RGS13: variants seen among roughly 807,000 people sequenced by gnomAD.
RGS13 encodes the protein regulator of G protein signaling 13, also known as regulator of G-protein signalling 13.
RGS13 carries 14 observed loss-of-function variants against 19.9 expected under a neutral mutation model. The ratio of observed to expected loss-of-function variants is 0.70; its 90% CI spans 0.46 to 1.10. The LOEUF (loss-of-function observed/expected upper bound fraction) is 1.10, where lower values mean the gene tolerates loss of function less well. Ranked by LOEUF, RGS13 falls within the 50% of genes least tolerant of loss-of-function variation. The pLI, the probability that RGS13 is intolerant of heterozygous loss-of-function variation, is 0.00. For missense variants in RGS13, 205 were observed against 187.1 expected (o/e 1.10, Z -0.56); for synonymous variants, 60 against 56.8 (o/e 1.06, Z -0.25).
chr1:192,638,962 T>C (rs1663059226), intron 3 of RGS13, among the ~76,000 whole-genome samples: 1 of 152,128 alleles, frequency 6.6e-6, no homozygotes, highest in Admixed American at 6.6e-5. Context: ...ACTTAAAGTC[T>C]AGTAGGAGTA....
intron 5 of RGS13, among the ~76,000 whole-genome samples, chr1:192,649,283 T>G (rs6700053): frequency 0.081 from 12,311 of 152,210 alleles, 1,006 homozygotes; most frequent in African/African-American, 0.2. Flanking sequence ...CATTGAAATG[T>G]GATGAAGAGA....
chr1:192,641,262 GAAAGAA>G (rs1663111363), intron 3 of RGS13, among the ~76,000 whole-genome samples: 1 of 87,210 alleles, frequency 1.1e-5, no homozygotes, highest in Admixed American at 1.4e-4. Flanking sequence ...AGAAAAGAAA[GAAAGAA>G]AGAAAGAAAG....
chr1:192,659,633 A>G lies in RGS13; in HGVS notation c.*110A>G. The G allele has an allele frequency of 1.3e-6, 1 of 761,464 alleles. No individual in the cohort carries two copies. The allele number at this position is 761,464 out of a possible 1,614,324, so 47.2% of individuals were successfully genotyped here. A position where few individuals can be genotyped will look rare whatever the true frequency, so the allele number is the denominator to read the frequency against. ...ACACAGTACAAATAAAACAGAAATCAAACTATAAGTTGACTTTTAGTTCCT... is the reference window on the plus strand; with the variant it reads ...ACACAGTACAAATAAAACAGAAATCGAACTATAAGTTGACTTTTAGTTCCT... On this transcript the variant is annotated 3_prime_UTR_variant, in exon 7 of 7. Coordinates refer to ENST00000391995, the MANE Select transcript of RGS13 (RefSeq NM_002927.5).
Position 192,641,294 on chromosome 1 carries a change from GAAAGAAAGAAAGA to G in RGS13, c.-4-3024_-4-3012del, listed in dbSNP as rs1558049310. Among the ~76,000 whole-genome samples, 16 of 110,598 alleles carry G rather than the reference GAAAGAAAGAAAGA, an allele frequency of 1.4e-4. No homozygotes were observed. The East Asian group carries it at 3.0e-3, about 21-fold the overall frequency. The allele number at this position is 110,598 out of a possible 152,430, so 72.6% of individuals were successfully genotyped here. A position where few individuals can be genotyped will look rare whatever the true frequency, so the allele number is the denominator to read the frequency against. On this transcript the variant is annotated intron_variant, in intron 3 of 6. Transcript: ENST00000391995. The stretch of plus-strand genomic sequence containing the variant: ...AGAAAGAAAGAAAGAAAGAAAGAAA[GAAAGAAAGAAAGA>G]AAAGAAAGAAAGGAGGGAGGGAGGA...
At chr1:192,637,133 G>T (rs921015793) in intron 1 of RGS13, among the ~76,000 whole-genome samples, 1 of 151,822 alleles carries the variant, frequency 6.6e-6, no homozygotes, top group East Asian at 1.9e-4. Flanking sequence ...CTGAGAATTA[G>T]ATTCTATCGG....
chr1:192,639,810 G>A (rs1455275228), intron 3 of RGS13, among the ~76,000 whole-genome samples: 1 of 152,126 alleles, frequency 6.6e-6, no homozygotes. Flanking sequence ...AATATACTCT[G>A]TCAACTTGCA....
At chr1:192,642,136 T>A (rs1262120441) in intron 3 of RGS13, among the ~76,000 whole-genome samples, 1 of 152,164 alleles carries the variant, frequency 6.6e-6, no homozygotes, top group East Asian at 1.9e-4. Context: ...CTTCTTACTG[T>A]GAAATCCATG....
intron 3 of RGS13, among the ~76,000 whole-genome samples, chr1:192,639,107 T>G (rs1350498577): frequency 1.3e-5 from 2 of 152,102 alleles, no homozygotes; most frequent in African/African-American, 2.4e-5. Flanking sequence ...CTACTATTAG[T>G]GTACACAGAG....
At position 192,638,785 on chromosome 1, in the gene RGS13, C is replaced by T. The variant is rs138466734; in HGVS notation, c.-5+582C>T. Among the ~76,000 whole-genome samples the T allele has an allele frequency of 4.8e-4, 73 of 152,168 alleles. No homozygotes were observed. In the East Asian group the frequency reaches 0.011, roughly 24 times the overall value. On this transcript the variant is annotated intron_variant, in intron 3 of 6. Transcript: ENST00000391995. Reference sequence around the variant, plus strand: ...ACACATGTCATACACAATTCTGTCACTAAATATTTTCTGCAATTTAATCAT... The same window carrying T: ...ACACATGTCATACACAATTCTGTCATTAAATATTTTCTGCAATTTAATCAT...
Position 192,658,241 on chromosome 1 carries a change from C to T in RGS13, c.168C>T (p.His56=). 6.2e-7 allele frequency: 1 copy of T among 1,613,066 alleles called. No homozygotes were observed. Among genetic ancestry groups the T allele is most frequent in the Admixed American group, 1.7e-5 (1 of 59,914 alleles). The change falls in exon 6 of 7, where the codon CAC becomes CAT. Residue 56 remains histidine (H), a synonymous_variant. Transcript: ENST00000391995. ...VVYAAYLKME[H]SDENIQFWMA... is the part of the protein sequence containing the mutation. The stretch of plus-strand genomic sequence containing the variant: ...ATGCAGCATATTTAAAAATGGAGCA[C>T]AGTGACGAGAATATTCAATTCTGGA...
intron 5 of RGS13, among the ~76,000 whole-genome samples, chr1:192,656,397 A>C (rs547764728): frequency 6.6e-6 from 1 of 150,920 alleles, no homozygotes; most frequent in South Asian, 2.1e-4. Context: ...GTTTGCCACC[A>C]TTCAGCTGTC....
intron 3 of RGS13, among the ~76,000 whole-genome samples, chr1:192,641,225 AAAG>A (rs1310622963): frequency 2.8e-5 from 1 of 36,028 alleles, no homozygotes; most frequent in South Asian, 8.2e-4. Context: ...AGAAAGAGAG[AAAG>A]AAAGAAAGAA....
intron 3 of RGS13, 118 bp from the exon 4 acceptor site, chr1:192,644,213 T>C: frequency 1.5e-6 from 1 of 668,628 alleles, no homozygotes. Context: ...TTCCATTAAC[T>C]TCAAGAGCCC....
At chr1:192,642,392 G>A (rs1184567529) in intron 3 of RGS13, among the ~76,000 whole-genome samples, 5 of 151,098 alleles carry the variant, frequency 3.3e-5, no homozygotes, top group African/African-American at 1.2e-4. Flanking sequence ...TGTGATCACG[G>A]CACACTGCAG....
intron 6 of RGS13, 64 bp from the exon 7 acceptor site, chr1:192,659,274 T>G: frequency 8.2e-7 from 1 of 1,217,034 alleles, no homozygotes; most frequent in Non-Finnish European, 1.2e-6. Context: ...TAAACCTTTC[T>G]ACTATATGTG....
chr1:192,644,312 A>C lies in RGS13; in HGVS notation c.-4-19A>C. The C allele has an allele frequency of 6.5e-7, 1 of 1,549,156 alleles. No individual in the cohort carries two copies. On this transcript the variant is annotated intron_variant, in intron 3 of 6. Transcript: ENST00000391995. ...TTTTAAATGATTAAATTATACAAAT[A>C]TATACTGTATTTCCTTAGAAAAATG...
intron 5 of RGS13, among the ~76,000 whole-genome samples, chr1:192,649,056 T>A (rs574460731): frequency 2.0e-5 from 3 of 152,224 alleles, no homozygotes; most frequent in African/African-American, 7.2e-5. Context: ...TTCTGCTTCA[T>A]CCCTAGGGCT....
chr1:192,647,550 A>C (rs4147217), intron 4 of RGS13: 89,723 of 152,614 alleles, frequency 0.59, 27,189 homozygotes, highest in African/African-American at 0.74. Flanking sequence ...ATAAAGTATA[A>C]ACACACATAG....
At chr1:192,651,893 A>G (rs1472409064) in intron 5 of RGS13, among the ~76,000 whole-genome samples, 1 of 152,024 alleles carries the variant, frequency 6.6e-6, no homozygotes, top group African/African-American at 2.4e-5. Flanking sequence ...GAGAACCATG[A>G]TACTATGGAA....
Sources: allele counts gnomAD v4.1 joint callset (sites outside exome capture counted in the v4.1 genomes callset), GRCh38; gene constraint gnomAD v4.1.1; transcripts MANE v1.5; gene names NCBI Gene and HGNC (gene_info 2026-07-23, HGNC 2026-07-21).